XIRP2: variants seen among roughly 807,000 people sequenced by gnomAD.
The protein encoded by XIRP2 is xin actin binding repeat containing 2.
XIRP2 carries 236 observed loss-of-function variants against 277.0 expected under a neutral mutation model. The ratio of observed to expected loss-of-function variants is 0.85; its 90% CI spans 0.77 to 0.95. The LOEUF (loss-of-function observed/expected upper bound fraction) is 0.95. XIRP2 is among the 40% of genes least tolerant of loss of function. XIRP2 has a pLI of 0.00. For missense variants in XIRP2, 4,640 were observed against 4,157.5 expected (o/e 1.12, Z -3.19); for synonymous variants, 1,490 against 1,416.5 (o/e 1.05, Z -1.17).
At chr2:167,220,433 T>C (rs572492427) in intron 5 of XIRP2, among the ~76,000 whole-genome samples, 1 of 152,312 alleles carries the variant, frequency 6.6e-6, no homozygotes, top group East Asian at 1.9e-4. Context: ...GAAGAATAAA[T>C]GATTTAGTAT....
intron 2 of XIRP2, among the ~76,000 whole-genome samples, chr2:166,984,237 A>G (rs1203828629): frequency 6.6e-6 from 1 of 152,232 alleles, no homozygotes; most frequent in African/African-American, 2.4e-5. Context: ...AAGTCTTCAA[A>G]AAGAGCAATT....
chr2:167,052,113 A>G (rs1018906516), intron 2 of XIRP2, among the ~76,000 whole-genome samples: 4 of 152,116 alleles, frequency 2.6e-5, no homozygotes, highest in Non-Finnish European at 4.4e-5. Flanking sequence ...CCACAAGGAC[A>G]TTAGTTTCTG....
chr2:167,225,203 G>A (rs1199848952), intron 5 of XIRP2, among the ~76,000 whole-genome samples: 1 of 151,970 alleles, frequency 6.6e-6, no homozygotes, highest in Non-Finnish European at 1.5e-5. Flanking sequence ...ATAGTATAGT[G>A]GCAAGATACT....
intron 2 of XIRP2, among the ~76,000 whole-genome samples, chr2:167,127,213 C>T (rs534271620): frequency 1.2e-4 from 19 of 152,180 alleles, no homozygotes; most frequent in Non-Finnish European, 2.5e-4. Flanking sequence ...CTTCCTGTGT[C>T]AGCCACAAAT....
chr2:167,032,000 A>G (rs1389074361), intron 2 of XIRP2, among the ~76,000 whole-genome samples: 1 of 152,174 alleles, frequency 6.6e-6, no homozygotes, highest in Non-Finnish European at 1.5e-5. Context: ...AGCCAAGACA[A>G]TCCTAAGCAA....
At chr2:166,938,497 G>A (rs7598186) in intron 2 of XIRP2, among the ~76,000 whole-genome samples, 46,940 of 151,990 alleles carry the variant, frequency 0.31, 7,670 homozygotes, top group East Asian at 0.53. Context: ...CATTTGCTGA[G>A]GAGTGCTTTA....
chr2:166,933,130 G>T (rs1475453329), intron 2 of XIRP2, among the ~76,000 whole-genome samples: 1 of 151,192 alleles, frequency 6.6e-6, no homozygotes, highest in Non-Finnish European at 1.5e-5. Context: ...ATTTTAATTG[G>T]AATAAATTAA....
chr2:166,925,050 A>G (rs1354264456), intron 2 of XIRP2, among the ~76,000 whole-genome samples: 1 of 152,038 alleles, frequency 6.6e-6, no homozygotes, highest in Non-Finnish European at 1.5e-5. Flanking sequence ...CTGCCCTACC[A>G]ACATGTGTTT....
intron 2 of XIRP2, among the ~76,000 whole-genome samples, chr2:167,014,282 A>G (rs1447469693): frequency 1.3e-5 from 2 of 151,778 alleles, no homozygotes; most frequent in Admixed American, 6.6e-5. Flanking sequence ...AAAGTCCAGA[A>G]TAAACAAACA....
At chr2:166,940,086 G>T (rs7602583) in intron 2 of XIRP2, among the ~76,000 whole-genome samples, 2 of 151,988 alleles carry the variant, frequency 1.3e-5, no homozygotes, top group African/African-American at 4.8e-5. Context: ...AGGTACACCA[G>T]TCAGACTTAG....
chr2:167,246,194 T>C lies in XIRP2; in HGVS notation c.4802T>C (p.Ile1601Thr), dbSNP rs1695255752. The C allele has an allele frequency of 1.9e-6, 3 of 1,612,344 alleles. No homozygotes were observed. Among genetic ancestry groups the C allele is most frequent in the Non-Finnish European group, 1.7e-6 (2 of 1,179,452 alleles). The change falls in exon 9 of 11, where the codon ATC becomes ACC. Residue 1601 changes from isoleucine (I) to threonine (T), a missense_variant. Transcript: ENST00000409195. ...ASPEIQKEEI[I>T]RADLRNIMVN... ...CCTGAGATACAGAAAGAAGAAATTA[T>C]CAGGGCTGATCTCAGAAATATAATG...
At chr2:167,236,825 A>G (rs1057382541) in intron 5 of XIRP2, among the ~76,000 whole-genome samples, 1 of 152,136 alleles carries the variant, frequency 6.6e-6, no homozygotes, top group African/African-American at 2.4e-5. Flanking sequence ...AGAGTTGTTT[A>G]TAACATTTTA....
rs535417664 is a variant in XIRP2, at chr2:167,055,057, C to T, written c.409-80852C>T. Among the ~76,000 whole-genome samples the T allele has an allele frequency of 3.9e-5, 6 of 152,312 alleles. No individual in the cohort carries two copies. The East Asian group carries it at 9.7e-4, about 25-fold the overall frequency. ...TGCTGTTTGAACTCAGCTAGACTCA[C>T]TCATGCATCTGTGGTCTTGAAGTAA... On this transcript the variant is annotated intron_variant, in intron 2 of 10. Coordinates refer to ENST00000409195, the MANE Select transcript of XIRP2 (RefSeq NM_152381.6).
intron 2 of XIRP2, among the ~76,000 whole-genome samples, chr2:167,130,350 A>G (rs529380161): frequency 2.0e-5 from 3 of 152,270 alleles, no homozygotes; most frequent in African/African-American, 7.2e-5. Flanking sequence ...AAGGACATTG[A>G]TACACAACTT....
chr2:167,026,007 C>A (rs1254840774), intron 2 of XIRP2, among the ~76,000 whole-genome samples: 2 of 151,974 alleles, frequency 1.3e-5, no homozygotes, highest in Non-Finnish European at 2.9e-5. Context: ...TCCTGGGTAT[C>A]CTTGTTAACT....
At chr2:167,025,438 T>A (rs1249962938) in intron 2 of XIRP2, among the ~76,000 whole-genome samples, 1 of 152,170 alleles carries the variant, frequency 6.6e-6, no homozygotes, top group Non-Finnish European at 1.5e-5. Context: ...GAAGGGTTTT[T>A]TGTGTCTCCA....
chr2:166,975,816 C>A (rs577607342), intron 2 of XIRP2, among the ~76,000 whole-genome samples: 3 of 150,906 alleles, frequency 2.0e-5, no homozygotes, highest in South Asian at 4.2e-4. Context: ...GTCCCAGCTA[C>A]TCGGGAGGCT....
intron 2 of XIRP2, among the ~76,000 whole-genome samples, chr2:166,995,520 A>C (rs1490880943): frequency 1.3e-5 from 2 of 152,210 alleles, no homozygotes; most frequent in African/African-American, 2.4e-5. Flanking sequence ...CACATCATCT[A>C]CAAGGTTCTT....
chr2:167,150,551 C>CT (rs1691988296), intron 3 of XIRP2, among the ~76,000 whole-genome samples: 1 of 151,828 alleles, frequency 6.6e-6, no homozygotes, highest in South Asian at 2.1e-4. Context: ...CATCCATTAC[C>CT]TAAATATAAA....
Sources: gnomAD v4.1 joint callset for allele counts (sites outside exome capture counted in the v4.1 genomes callset) on GRCh38, gnomAD v4.1.1 for gene constraint, MANE v1.5 for transcripts, NCBI Gene and HGNC (gene_info 2026-07-23, HGNC 2026-07-21) for gene names.